GALNT7: variants seen among roughly 807,000 people sequenced by gnomAD.
The protein encoded by GALNT7 is N-acetylgalactosaminyltransferase 7.
In GALNT7, 60 loss-of-function variants were observed where a neutral mutation model predicts 82.1. The observed-to-expected ratio is 0.73, with a 90% CI of 0.59 to 0.91. The LOEUF is 0.91. Ranked by LOEUF, GALNT7 falls within the 40% of genes least tolerant of loss-of-function variation. The pLI is 0.00. For missense variants in GALNT7, 660 were observed against 804.2 expected, an observed-to-expected ratio of 0.82 and a Z score of 2.17; for synonymous variants, 243 against 275.1, an observed-to-expected ratio of 0.88 and a Z score of 1.15.
intron 1 of GALNT7, among the ~76,000 whole-genome samples, chr4:173,190,270 G>A (rs763130638): frequency 2.0e-5 from 3 of 152,192 alleles, no homozygotes; most frequent in Non-Finnish European, 2.9e-5. Flanking sequence ...GAAGGAAACA[G>A]AAGGGATTTG....
chr4:173,264,878 G>T (rs548016874), intron 2 of GALNT7, among the ~76,000 whole-genome samples: 131 of 152,342 alleles, frequency 8.6e-4, no homozygotes, highest in Admixed American at 2.6e-3. Flanking sequence ...CATCCTGGAG[G>T]GGGGAGTGGC....
At chr4:173,277,520 ACT>A (rs1735957426) in intron 2 of GALNT7, among the ~76,000 whole-genome samples, 2 of 152,136 alleles carry the variant, frequency 1.3e-5, no homozygotes, top group Admixed American at 1.3e-4. Context: ...ACAGGTGTGC[ACT>A]CTGAGTCCAT....
At chr4:173,299,831 G>GT (rs1323888122) in intron 6 of GALNT7, among the ~76,000 whole-genome samples, 1 of 151,112 alleles carries the variant, frequency 6.6e-6, no homozygotes, top group African/African-American at 2.4e-5. Context: ...GGGCAACAGA[G>GT]TAAGACTTGG....
intron 8 of GALNT7, among the ~76,000 whole-genome samples, chr4:173,304,868 C>T (rs1001383414): frequency 6.6e-6 from 1 of 151,892 alleles, no homozygotes; most frequent in African/African-American, 2.4e-5. Context: ...TTTAAGGGTG[C>T]ATAGTATTAA....
chr4:173,256,009 G>T (rs1420300144), intron 2 of GALNT7, among the ~76,000 whole-genome samples: 3 of 152,174 alleles, frequency 2.0e-5, no homozygotes, highest in African/African-American at 7.2e-5. Context: ...AGTTTTTGTG[G>T]TTCATAGATT....
rs368502625 is a variant in GALNT7 at position 173,220,050 on chromosome 4, G to A, written c.127-27930G>A. Among the ~76,000 whole-genome samples, 19 of 152,272 alleles carry A rather than the reference G, an allele frequency of 1.2e-4. No individual in the cohort carries two copies. In the East Asian group the frequency reaches 3.5e-3, roughly 28 times the overall value. On this transcript the variant is annotated intron_variant, in intron 1 of 11. Transcript: ENST00000265000. ...TGTTGCATTTGCTTTTGGGTCCTTA[G>A]TCATGAAGTCTTTGCCTAACAAAGC...
At chr4:173,258,530 G>A (rs1048395205) in intron 2 of GALNT7, among the ~76,000 whole-genome samples, 1 of 152,180 alleles carries the variant, frequency 6.6e-6, no homozygotes, top group East Asian at 1.9e-4. Context: ...AGATGGGGGG[G>A]CCTCAGTCAG....
At chr4:173,193,500 A>G (rs1426707446) in intron 1 of GALNT7, among the ~76,000 whole-genome samples, 1 of 152,120 alleles carries the variant, frequency 6.6e-6, no homozygotes, top group Non-Finnish European at 1.5e-5. Context: ...ATTTTTTTTA[A>G]AGGCGTTACA....
chr4:173,254,831 T>G (rs1734978209), intron 2 of GALNT7, among the ~76,000 whole-genome samples: 2 of 152,238 alleles, frequency 1.3e-5, no homozygotes, highest in African/African-American at 4.8e-5. Flanking sequence ...AAGATGGACA[T>G]GTTGCTTACT....
rs2126847849 is a variant in GALNT7 at position 173,302,050 on chromosome 4, C to T, written c.1152C>T (p.Ser384=). ...TTGCAGTGTTTCTTTTTCTTAGGTC[C>T]CCAGCCATGGCTGGGGGATTATTTG... ...LRKTKTEPYR[S]PAMAGGLFAI... is the part of the protein sequence containing the mutation. The change falls in exon 7 of 12, where the codon TCC becomes TCT. Residue 384 remains serine, a synonymous_variant. Coordinates refer to ENST00000265000, the MANE Select transcript of GALNT7 (RefSeq NM_017423.3). This position sits in a 1 kb window ranked among gnomAD's most constrained non-coding sequence, Gnocchi z 4.2. The T allele has an allele frequency of 6.7e-7, 1 of 1,486,654 alleles. No homozygotes were observed. The highest frequency in any genetic ancestry group is 9.4e-7 in the Non-Finnish European group (1 of 1,064,520). The allele number at this position is 1,486,654 out of a possible 1,614,324, so 92.1% of individuals were successfully genotyped here.
rs773601457 is a variant in GALNT7, at chr4:173,168,981, C to T, written c.126+20C>T. ...ATGAGGGTGAGTGACCCGCCCGGCC[C>T]CCTCCGGCGGCAGCGACCGGCAACT... On this transcript the variant is annotated intron_variant, in intron 1 of 11. Transcript: ENST00000265000. The T allele has an allele frequency of 4.4e-6, 7 of 1,608,700 alleles. No homozygotes were observed. The Admixed American group carries it at 5.0e-5, about 12-fold the overall frequency.
Position 173,314,053 on chromosome 4 carries a change from A to G in GALNT7, c.1485A>G (p.Ile495Met). ...CGCAGGCATTACCATATGGGGATAT[A>G]TCGGAGCTGAAAAAATTTCGAGAAG... is the stretch of plus-strand genomic sequence containing the variant. Reference protein sequence around the residue: ...PESQALPYGDISELKKFREDH... With the variant: ...PESQALPYGDMSELKKFREDH... Residue 495 changes from isoleucine (I) to methionine (M), a missense_variant, in exon 9 of 12, where the codon ATA (isoleucine) becomes ATG (methionine). Ile to Met is a conservative substitution (Grantham distance 10). Transcript: ENST00000265000. 1 of 1,611,446 alleles carries G rather than the reference A, an allele frequency of 6.2e-7. No individual in the cohort carries two copies. The highest frequency in any genetic ancestry group is 8.5e-7 in the Non-Finnish European group (1 of 1,177,610).
Position 173,281,327 on chromosome 4 carries a change from T to C in GALNT7, c.588-10781T>C, listed in dbSNP as rs749728969. On this transcript the variant is annotated intron_variant, in intron 2 of 11. Transcript: ENST00000265000. ...GCCTTTGGGACCAACGGTCCTTTCC[T>C]CACCAGACCCACTATGGGGACTTAT... is the stretch of plus-strand genomic sequence containing the variant. 6.7e-4 allele frequency among the ~76,000 whole-genome samples: 102 copies of C among 152,216 alleles called. 3 individuals are homozygous for C. Among genetic ancestry groups the C allele is most frequent in the Non-Finnish European group, 1.6e-4 (11 of 68,046 alleles).
intron 2 of GALNT7, among the ~76,000 whole-genome samples, chr4:173,254,203 G>A (rs764812263): frequency 2.0e-5 from 3 of 152,124 alleles, no homozygotes; most frequent in Non-Finnish European, 4.4e-5. Flanking sequence ...TCTTAAGCTT[G>A]TCTATGGGAA....
intron 1 of GALNT7, among the ~76,000 whole-genome samples, chr4:173,173,009 A>T (rs1298249784): frequency 1.3e-5 from 2 of 152,186 alleles, no homozygotes; most frequent in Non-Finnish European, 2.9e-5. Context: ...GGTGGGGGTC[A>T]TCATTATTCA....
At chr4:173,211,897 T>C (rs1233188271) in intron 1 of GALNT7, among the ~76,000 whole-genome samples, 2 of 152,368 alleles carry the variant, frequency 1.3e-5, no homozygotes, top group African/African-American at 4.8e-5. Context: ...ACAAAAGTTC[T>C]TCAGCCTGTC....
intron 1 of GALNT7, among the ~76,000 whole-genome samples, chr4:173,171,951 A>G (rs1166041366): frequency 6.6e-6 from 1 of 152,254 alleles, no homozygotes; most frequent in African/African-American, 2.4e-5. Context: ...ACTTGAAGAA[A>G]TGACTATTAG....
At chr4:173,285,547 TA>T (rs1736291078) in intron 2 of GALNT7, among the ~76,000 whole-genome samples, 1 of 152,264 alleles carries the variant, frequency 6.6e-6, no homozygotes, top group African/African-American at 2.4e-5. Context: ...ATTTTACCAA[TA>T]ATTCTTGTCT....
chr4:173,315,170 G>A (rs1438574460), intron 9 of GALNT7, among the ~76,000 whole-genome samples: 1 of 152,198 alleles, frequency 6.6e-6, no homozygotes, highest in East Asian at 1.9e-4. Flanking sequence ...TGGAGATGAA[G>A]GGAAGCTGAC....
Sources: allele counts gnomAD v4.1 joint callset (sites outside exome capture counted in the v4.1 genomes callset), GRCh38; gene constraint gnomAD v4.1.1; non-coding constraint Gnocchi (gnomAD v3.1); transcripts MANE v1.5; gene names NCBI Gene and HGNC (gene_info 2026-07-23, HGNC 2026-07-21).